Variants in RPS24 observed in about 807,000 individuals in gnomAD.
RPS24 encodes the protein ribosomal protein S24, also known as small ribosomal subunit protein eS24.
For missense variants in RPS24, 100 were observed against 162.5 expected, an observed-to-expected ratio of 0.62 and a Z score of 2.09; for synonymous variants, 72 against 55.6, an observed-to-expected ratio of 1.30 and a Z score of -1.31.
chr10:78,050,157 GC>G (rs398114539), intron 4 of RPS24, among the ~76,000 whole-genome samples: 1 of 73,174 alleles, frequency 1.4e-5, no homozygotes, highest in Admixed American at 1.4e-4. Context: ...TTGAGTCTAT[GC>G]CTCTCTCTCT....
chr10:78,047,351 T>G (rs1259886062), intron 4 of RPS24, among the ~76,000 whole-genome samples: 1 of 152,132 alleles, frequency 6.6e-6, no homozygotes, highest in Non-Finnish European at 1.5e-5. Context: ...GGGGAGGATA[T>G]TCCAGAGGGG....
At chr10:78,054,553 T>G (rs1459515547) in exon 5 of RPS24, 1 of 1,544,396 alleles carries the variant, frequency 6.5e-7, no homozygotes, top group Admixed American at 2.0e-5. Context: ...GGGCTTGGAG[T>G]GCAAGCATTG....
rs554751714 is a variant in RPS24 at position 78,055,165 on chromosome 10, C to G, written c.*155C>G. The G allele has an allele frequency of 7.7e-5, 97 of 1,261,006 alleles. No homozygotes were observed. In the East Asian group the frequency reaches 2.5e-3, roughly 33 times the overall value. The allele number at this position is 1,261,006 out of a possible 1,614,324, so 78.1% of individuals were successfully genotyped here. ...TCCAGGGCTCCACATCTCTCTCACC[C>G]AAATGCCAAAGACCTCCCCACGCCC... is the stretch of plus-strand genomic sequence containing the variant. On this transcript the variant is annotated 3_prime_UTR_variant, in exon 5 of 5. Transcript: ENST00000440692.
At chr10:78,055,956 T>C (rs1848146204) in exon 5 of RPS24, 2 of 152,256 alleles carry the variant, frequency 1.3e-5, no homozygotes, top group Admixed American at 6.5e-5. Flanking sequence ...TTTCACCGTG[T>C]TGGTCAGGGT....
chr10:78,048,412 C>T (rs947277295), intron 4 of RPS24, among the ~76,000 whole-genome samples: 7 of 152,160 alleles, frequency 4.6e-5, no homozygotes, highest in Admixed American at 4.6e-4. Context: ...CCTATACTCT[C>T]GGTGACTGCT....
exon 5 of RPS24, chr10:78,055,212 C>A: frequency 2.7e-6 from 2 of 752,114 alleles, no homozygotes; most frequent in Non-Finnish European, 1.8e-6. Flanking sequence ...CACGACCTGG[C>A]CACTGGCCTC....
exon 5 of RPS24, chr10:78,055,289 C>T (rs1385927846): frequency 5.4e-6 from 2 of 368,200 alleles, no homozygotes; most frequent in African/African-American, 4.2e-5. Flanking sequence ...TTAATTTTTC[C>T]TCGTCAGCAG....
chr10:78,046,060 C>T (rs1308329878), intron 4 of RPS24, among the ~76,000 whole-genome samples: 9 of 152,116 alleles, frequency 5.9e-5, no homozygotes, highest in Admixed American at 2.6e-4. Context: ...ATCTGGGTAG[C>T]GCCCAAGCAC....
intron 4 of RPS24, chr10:78,039,922 G>C (rs1411782312): frequency 2.0e-6 from 1 of 510,064 alleles, no homozygotes; most frequent in African/African-American, 1.9e-5. Context: ...GGCCATCCTG[G>C]GTACCACATT....
chr10:78,045,276 C>T (rs181923972), downstream of RPS24, among the ~76,000 whole-genome samples: 133 of 152,174 alleles, frequency 8.7e-4, no homozygotes, highest in Admixed American at 6.8e-3. Flanking sequence ...CGTGAGGCAC[C>T]GCGCCTGGCC....
intron 4 of RPS24, among the ~76,000 whole-genome samples, chr10:78,046,572 C>G (rs1848045897): frequency 6.6e-6 from 1 of 151,938 alleles, no homozygotes; most frequent in African/African-American, 2.4e-5. Flanking sequence ...CCAGGCTGGT[C>G]TTGAACTCCA....
chr10:78,045,729 G>A (rs1422921952), intron 4 of RPS24, among the ~76,000 whole-genome samples: 1 of 152,000 alleles, frequency 6.6e-6, no homozygotes, highest in African/African-American at 2.4e-5. Flanking sequence ...TGCTGGCTGG[G>A]TGTGGTGGCT....
At chr10:78,039,987 C>T in intron 4 of RPS24, 1 of 640,676 alleles carries the variant, frequency 1.6e-6, no homozygotes, top group South Asian at 1.8e-5. Flanking sequence ...ATAAGAACTA[C>T]AGTAATCAGG....
chr10:78,037,106 G>T, intron 3 of RPS24, 88 bp from the exon 4 acceptor site: 1 of 1,508,532 alleles, frequency 6.6e-7, no homozygotes, highest in Non-Finnish European at 9.0e-7. Flanking sequence ...TGTTTCTTAA[G>T]CTCAGACTGG....
downstream of RPS24, among the ~76,000 whole-genome samples, chr10:78,043,203 C>T (rs1293843078): frequency 6.6e-6 from 1 of 152,138 alleles, no homozygotes; most frequent in African/African-American, 2.4e-5. Context: ...TGGGGTTTCA[C>T]CATGTTAGCC....
intron 4 of RPS24, 143 bp downstream of exon 4, chr10:78,037,447 A>G (rs1847897000): frequency 8.2e-6 from 11 of 1,347,338 alleles, no homozygotes; most frequent in Non-Finnish European, 8.9e-6. Flanking sequence ...AGAAGGTAAC[A>G]TGTTTTAAGA....
intron 3 of RPS24, chr10:78,035,974 C>T: frequency 2.0e-6 from 1 of 487,940 alleles, no homozygotes; most frequent in Non-Finnish European, 3.7e-6. Context: ...GGATTGTTTT[C>T]CAGAGGAGAA....
At chr10:78,050,177 A>G (rs1848085036) in intron 4 of RPS24, among the ~76,000 whole-genome samples, 1 of 151,524 alleles carries the variant, frequency 6.6e-6, no homozygotes, top group African/African-American at 2.4e-5. Flanking sequence ...CTCTCTCTAC[A>G]GGCTGGCTTT....
chr10:78,034,403 A>T (rs1316788322), intron 1 of RPS24: 1 of 186,002 alleles, frequency 5.4e-6, no homozygotes, highest in Admixed American at 5.4e-5. Flanking sequence ...CAGGCCCTGG[A>T]AAGAGATGTT....
Sources: gnomAD v4.1 joint callset for allele counts (sites outside exome capture counted in the v4.1 genomes callset) on GRCh38, gnomAD v4.1.1 for gene constraint, MANE v1.5 for transcripts, NCBI Gene and HGNC (gene_info 2026-07-23, HGNC 2026-07-21) for gene names.